The following CNTNAP5 variants were observed in gnomAD, a reference collection of about 807,000 sequenced individuals.
CNTNAP5 encodes contactin-associated protein-like 5.
A neutral mutation model predicts 150.2 loss-of-function variants in CNTNAP5; 72 were observed. That is an observed-to-expected ratio of 0.48 (90% CI 0.40 to 0.58). The LOEUF (loss-of-function observed/expected upper bound fraction) is 0.58, where lower values mean the gene tolerates loss of function less well. Among genes scored for constraint, CNTNAP5 ranks in the 20% least tolerant of loss-of-function variants. CNTNAP5 has a pLI of 0.00. For synonymous variants in CNTNAP5, 672 were observed against 619.8 expected (o/e 1.08, Z -1.25); for missense variants, 1,636 against 1,626.2 (o/e 1.01, Z -0.10).
At chr2:124,653,241 C>T (rs1678359624) in intron 13 of CNTNAP5, among the ~76,000 whole-genome samples, 1 of 152,076 alleles carries the variant, frequency 6.6e-6, no homozygotes, top group Non-Finnish European at 1.5e-5. Context: ...AAAGGGACAG[C>T]ATGCTATTTA....
At chr2:124,194,430 G>GTT (rs1685535872) in intron 1 of CNTNAP5, among the ~76,000 whole-genome samples, 1 of 143,046 alleles carries the variant, frequency 7.0e-6, no homozygotes, top group Non-Finnish European at 1.5e-5. Flanking sequence ...TAGGTGTGCT[G>GTT]TATGTTCAGG....
At chr2:124,731,126 T>C (rs1447510383) in intron 13 of CNTNAP5, among the ~76,000 whole-genome samples, 1 of 152,096 alleles carries the variant, frequency 6.6e-6, no homozygotes, top group East Asian at 1.9e-4. Flanking sequence ...AGACCTCTAA[T>C]GAATATTAGA....
intron 1 of CNTNAP5, among the ~76,000 whole-genome samples, chr2:124,133,432 T>C (rs1683906766): frequency 6.6e-6 from 1 of 152,224 alleles, no homozygotes; most frequent in Non-Finnish European, 1.5e-5. Context: ...AGGAGTTCTA[T>C]GGTGATCATC....
intron 13 of CNTNAP5, among the ~76,000 whole-genome samples, chr2:124,707,122 GAA>G (rs762607196): frequency 6.9e-4 from 46 of 66,906 alleles, no homozygotes; most frequent in African/African-American, 2.5e-3. Context: ...GGAAGAAGAA[GAA>G]AGAAGAAGAA....
intron 14 of CNTNAP5, among the ~76,000 whole-genome samples, chr2:124,749,463 C>T (rs1389953663): frequency 4.0e-5 from 6 of 151,648 alleles, no homozygotes; most frequent in Non-Finnish European, 5.9e-5. Context: ...CTTGCTCTGT[C>T]GCCCAGGCTG....
At chr2:124,154,537 C>T (rs1034634890) in intron 1 of CNTNAP5, among the ~76,000 whole-genome samples, 1 of 152,056 alleles carries the variant, frequency 6.6e-6, no homozygotes. Context: ...AGCCAAGGAG[C>T]AAAAATTATC....
Position 124,251,058 on chromosome 2 carries a change from G to A in CNTNAP5, c.381+8665G>A, listed in dbSNP as rs555482606. Among the ~76,000 whole-genome samples the A allele has an allele frequency of 4.6e-5, 7 of 152,194 alleles. No individual in the cohort carries two copies. In the East Asian group the frequency reaches 7.8e-4, roughly 17 times the overall value. On this transcript the variant is annotated intron_variant, in intron 3 of 23. Coordinates refer to ENST00000682447, the MANE Select transcript of CNTNAP5 (RefSeq NM_001367498.1). The stretch of plus-strand genomic sequence containing the variant: ...AGCAGGCGTTGCTCTTGTGTTTCAC[G>A]TCTCTGACCAATTGCAATTGTCCAT...
rs1573692614 is a variant in CNTNAP5 at position 124,892,414 on chromosome 2, C to A, written c.3437-10468C>A. On this transcript the variant is annotated intron_variant, in intron 21 of 23. Transcript: ENST00000682447. ...TGGATGAATTTATGTTTGCTCACAT[C>A]TGGGTCACTGAAACCAGTTTGAGCT... Among the ~76,000 whole-genome samples the A allele has an allele frequency of 2.6e-5, 4 of 152,118 alleles. No individual in the cohort carries two copies. The East Asian group carries it at 5.8e-4, about 22-fold the overall frequency.
intron 12 of CNTNAP5, among the ~76,000 whole-genome samples, chr2:124,618,151 T>C (rs1677529516): frequency 6.6e-6 from 1 of 151,890 alleles, no homozygotes; most frequent in Non-Finnish European, 1.5e-5. Context: ...TGAACTAGAG[T>C]TTCCCAGCAC....
In CNTNAP5 at chr2:124,504,451, A is replaced by C; in HGVS notation, c.1222A>C (p.Thr408Pro). Reference protein sequence around the residue: ...TWNKDGLLLSTELSEGSGTLL... With the variant: ...TWNKDGLLLSPELSEGSGTLL... Reference sequence around the variant, plus strand: ...GAACAAGGATGGTCTGCTTCTGTCCACAGAGCTGTCTGAGGGCTCGGGAAC... The same window carrying C: ...GAACAAGGATGGTCTGCTTCTGTCCCCAGAGCTGTCTGAGGGCTCGGGAAC... The change falls in exon 8 of 24, where the codon ACA becomes CCA. Residue 408 changes from threonine (T) to proline (P), a missense_variant. Transcript: ENST00000682447. The C allele has an allele frequency of 6.2e-7, 1 of 1,613,806 alleles. No homozygotes were observed. The highest frequency in any genetic ancestry group is 8.5e-7 in the Non-Finnish European group (1 of 1,179,828).
chr2:124,313,838 A>T (rs926770455), intron 3 of CNTNAP5, among the ~76,000 whole-genome samples: 1 of 152,152 alleles, frequency 6.6e-6, no homozygotes, highest in African/African-American at 2.4e-5. Context: ...TTTAATCCAG[A>T]TCATTCCTGT....
At chr2:124,110,874 C>T (rs1036607) in intron 1 of CNTNAP5, among the ~76,000 whole-genome samples, 45,378 of 151,918 alleles carry the variant, frequency 0.3, 7,301 homozygotes, top group Admixed American at 0.38. Flanking sequence ...TGCACAAAGG[C>T]CCTTGATAGA....
At position 124,609,804 on chromosome 2, in the gene CNTNAP5, T is replaced by C; in HGVS notation, c.1760T>C (p.Ile587Thr). ...TCTGCTGCCTTTGTCTTTCCAGCCATCTACGAGCAATCCTGCGAGGTGTAC... is the reference window on the plus strand; with the variant it reads ...TCTGCTGCCTTTGTCTTTCCAGCCACCTACGAGCAATCCTGCGAGGTGTAC... ...SYTGATCHNS[I>T]YEQSCEVYRH... The change falls in exon 12 of 24, where the codon ATC (isoleucine) becomes ACC (threonine). Residue 587 changes from isoleucine (I) to threonine (T), a missense_variant. Ile to Thr is a moderately conservative substitution (Grantham distance 89). Transcript: ENST00000682447. 1 of 1,613,682 alleles carries C rather than the reference T, an allele frequency of 6.2e-7. No homozygotes were observed. Among genetic ancestry groups the C allele is most frequent in the Non-Finnish European group, 8.5e-7 (1 of 1,179,664 alleles).
At chr2:124,107,213 A>G (rs1683188701) in intron 1 of CNTNAP5, among the ~76,000 whole-genome samples, 1 of 152,182 alleles carries the variant, frequency 6.6e-6, no homozygotes, top group Non-Finnish European at 1.5e-5. Context: ...CAGGGCTGGC[A>G]GTGAGGAAGA....
intron 3 of CNTNAP5, among the ~76,000 whole-genome samples, chr2:124,414,829 T>G (rs183703663): frequency 6.6e-6 from 1 of 152,126 alleles, no homozygotes; most frequent in East Asian, 1.9e-4. Context: ...TTGGATTAGA[T>G]AAATAATGCT....
chr2:124,618,866 C>T (rs1443544752), intron 12 of CNTNAP5, among the ~76,000 whole-genome samples: 1 of 152,112 alleles, frequency 6.6e-6, no homozygotes, highest in Admixed American at 6.5e-5. Flanking sequence ...GAAGCGTAGA[C>T]TTGTTAAATC....
chr2:124,705,890 A>C (rs1679626622), intron 13 of CNTNAP5, among the ~76,000 whole-genome samples: 1 of 152,204 alleles, frequency 6.6e-6, no homozygotes, highest in African/African-American at 2.4e-5. Context: ...ATCATGCTTT[A>C]CCACCTGGTC....
At chr2:124,126,732 C>T (rs1683713053) in intron 1 of CNTNAP5, among the ~76,000 whole-genome samples, 1 of 152,164 alleles carries the variant, frequency 6.6e-6, no homozygotes. Context: ...GGCCTCATCC[C>T]TGGGATACAA....
At chr2:124,309,287 A>G (rs1688766446) in intron 3 of CNTNAP5, among the ~76,000 whole-genome samples, 1 of 152,168 alleles carries the variant, frequency 6.6e-6, no homozygotes, top group Admixed American at 6.5e-5. Flanking sequence ...GGGAGGGATG[A>G]CTGTGACAGC....
Sources: gnomAD v4.1 joint callset for allele counts (sites outside exome capture counted in the v4.1 genomes callset) on GRCh38, gnomAD v4.1.1 for gene constraint, MANE v1.5 for transcripts, NCBI Gene and HGNC (gene_info 2026-07-23, HGNC 2026-07-21) for gene names.